The following TJP2 variants were observed in gnomAD, a reference collection of about 807,000 sequenced individuals.
TJP2 encodes Friedreich ataxia region gene X104 (tight junction protein ZO-2).
Under a neutral mutation model 133.1 loss-of-function variants are expected in TJP2, and 91 were observed. That is an observed-to-expected ratio of 0.68 (90% confidence interval 0.58 to 0.81). The LOEUF (loss-of-function observed/expected upper bound fraction) is 0.81. TJP2 is among the 40% of genes least tolerant of loss of function. TJP2 has a pLI of 0.00. For synonymous variants in TJP2, 592 were observed against 583.4 expected (o/e 1.01, Z -0.21); for missense variants, 1,541 against 1,565.6 (o/e 0.98, Z 0.26).
chr9:69,242,247 A>G (rs1830626897), intron 17 of TJP2, among the ~76,000 whole-genome samples: 1 of 152,154 alleles, frequency 6.6e-6, no homozygotes, highest in African/African-American at 2.4e-5. Flanking sequence ...GTAAGAATCT[A>G]GAGGGGTCCA....
At chr9:69,166,147 C>T (rs1410152916) in intron 2 of TJP2, among the ~76,000 whole-genome samples, 2 of 152,024 alleles carry the variant, frequency 1.3e-5, no homozygotes, top group East Asian at 3.9e-4. Flanking sequence ...GGGTCTTGCT[C>T]TGGCACCCAG....
At chr9:69,134,374 G>C (rs931814838) in intron 1 of TJP2, among the ~76,000 whole-genome samples, 1 of 152,222 alleles carries the variant, frequency 6.6e-6, no homozygotes, top group African/African-American at 2.4e-5. Context: ...TCCCACAGCA[G>C]GTGCAGGGAG....
At chr9:69,191,630 A>G (rs1826210039) in intron 1 of TJP2, among the ~76,000 whole-genome samples, 1 of 152,206 alleles carries the variant, frequency 6.6e-6, no homozygotes. Flanking sequence ...CTAAAAACAA[A>G]CATCATTTTG....
intron 1 of TJP2, among the ~76,000 whole-genome samples, chr9:69,197,055 G>A (rs556449217): frequency 5.9e-5 from 9 of 151,558 alleles, no homozygotes; most frequent in South Asian, 2.1e-4. Flanking sequence ...TGCAACCTCC[G>A]CCTCCCCAGT....
At chr9:69,202,095 TA>T (rs1294884064) in intron 1 of TJP2, among the ~76,000 whole-genome samples, 3 of 152,202 alleles carry the variant, frequency 2.0e-5, no homozygotes, top group Non-Finnish European at 4.4e-5. Context: ...GGGAAGTTTA[TA>T]AAAAACAGAA....
At position 69,174,544 on chromosome 9, in the gene TJP2, G is replaced by C. The variant is rs911915913; in HGVS notation, c.60+112G>C. The C allele has an allele frequency of 4.7e-5, 59 of 1,268,270 alleles. No individual in the cohort carries two copies. In the African/African-American group the frequency reaches 8.1e-4, roughly 17 times the overall value. The allele number at this position is 1,268,270 out of a possible 1,614,324, so 78.6% of individuals were successfully genotyped here. ...TGAAGTTGTTCCCCGATGCGCCGTA[G>C]GAAGCTGGGATTCTCCCATCCGGAC... On this transcript the variant is annotated intron_variant, in intron 1 of 22. Transcript: ENST00000377245.
At position 69,216,422 on chromosome 9, in the gene TJP2, T is replaced by G; in HGVS notation, c.198T>G (p.Ile66Met). Reference sequence around the variant, plus strand: ...AAAATGGAGAAACGTCAATTGTCATTTCTGATGTGCTCCCGGGTGGGCCTG... The same window carrying G: ...AAAATGGAGAAACGTCAATTGTCATGTCTGATGTGCTCCCGGGTGGGCCTG... ...HFENGETSIV[I>M]SDVLPGGPAD... Residue 66 changes from isoleucine (I) to methionine (M), a missense_variant, in exon 3 of 23, where the codon ATT becomes ATG. Ile to Met is a conservative substitution (Grantham distance 10). Coordinates refer to ENST00000377245, the MANE Select transcript of TJP2 (RefSeq NM_004817.4). The G allele has an allele frequency of 6.2e-7, 1 of 1,614,204 alleles. No individual in the cohort carries two copies. Among genetic ancestry groups the G allele is most frequent in the South Asian group, 1.1e-5 (1 of 91,086 alleles).
intron 1 of TJP2, among the ~76,000 whole-genome samples, chr9:69,135,433 T>TTTG (rs372705245): frequency 1.7e-4 from 26 of 151,910 alleles, no homozygotes; most frequent in Non-Finnish European, 2.8e-4. Context: ...GGTCTAGGAT[T>TTTG]TTGTTGTTGT....
chr9:69,139,990 G>A (rs538411620), intron 1 of TJP2, among the ~76,000 whole-genome samples: 3 of 152,284 alleles, frequency 2.0e-5, no homozygotes, highest in Admixed American at 6.5e-5. Flanking sequence ...TGCCGTGAGC[G>A]TTGGGGGCAG....
intron 1 of TJP2, among the ~76,000 whole-genome samples, chr9:69,175,253 G>GT (rs928350821): frequency 6.6e-6 from 1 of 152,170 alleles, no homozygotes; most frequent in African/African-American, 2.4e-5. Context: ...GATGGTTGTG[G>GT]TTTCCCTGAA....
chr9:69,207,550 T>C (rs1432343814), intron 1 of TJP2, among the ~76,000 whole-genome samples: 1 of 152,206 alleles, frequency 6.6e-6, no homozygotes, highest in Non-Finnish European at 1.5e-5. Flanking sequence ...AGTCACACGG[T>C]TCTCCCGGTG....
chr9:69,243,026 G>C (rs1563954087), intron 17 of TJP2, among the ~76,000 whole-genome samples: 1 of 151,998 alleles, frequency 6.6e-6, no homozygotes, highest in African/African-American at 2.4e-5. Context: ...ACCATGCCTG[G>C]GTAATTTTTG....
At chr9:69,196,440 C>G (rs1826564140) in intron 1 of TJP2, among the ~76,000 whole-genome samples, 1 of 152,160 alleles carries the variant, frequency 6.6e-6, no homozygotes, top group African/African-American at 2.4e-5. Flanking sequence ...TGATTAAATT[C>G]TCACAACAAC....
chr9:69,228,337 C>T (rs1293840236), intron 9 of TJP2, among the ~76,000 whole-genome samples: 1 of 152,110 alleles, frequency 6.6e-6, no homozygotes, highest in Admixed American at 6.5e-5. Flanking sequence ...GTGGCAGTAA[C>T]AGAAACTGGG....
intron 1 of TJP2, among the ~76,000 whole-genome samples, chr9:69,210,583 T>A (rs1360654694): frequency 6.6e-6 from 1 of 152,090 alleles, no homozygotes; most frequent in African/African-American, 2.4e-5. Context: ...TTTTGGAATG[T>A]TTACATATTT....
Position 69,166,521 on chromosome 9 carries a change from T to C in TJP2, c.-10+14750T>C, listed in dbSNP as rs1205133706. Among the ~76,000 whole-genome samples the C allele has an allele frequency of 2.6e-5, 4 of 151,992 alleles. No homozygotes were observed. In the East Asian group the frequency reaches 7.9e-4, roughly 30 times the overall value. On this transcript the variant is annotated intron_variant, in intron 2 of 5. Coordinates refer to the TJP2 transcript ENST00000423935. ...ACTTTGGGAGACCAAGGTAGGAGGA[T>C]AGCTAGAAGCCAGGAGTTTGAGGCC...
intron 1 of TJP2, among the ~76,000 whole-genome samples, chr9:69,137,738 A>C (rs773161391): frequency 4.0e-4 from 61 of 151,660 alleles, no homozygotes; most frequent in Non-Finnish European, 7.4e-4. Flanking sequence ...AGGTCTTTGA[A>C]TCTCTTTCTG....
rs73450840 is a variant in TJP2, at chr9:69,199,562, G to A, written c.61-12986G>A. Among the ~76,000 whole-genome samples the A allele has an allele frequency of 3.0e-3, 450 of 152,142 alleles. 5 individuals carry two copies. The highest frequency in any genetic ancestry group is 0.011 in the African/African-American group (437 of 41,520). On this transcript the variant is annotated intron_variant, in intron 1 of 22. Transcript: ENST00000377245. ...CACACACACACACGCATGCACGTAC[G>A]CACGCACCAGAGGGAAACATCATGC...
chr9:69,248,635 C>A, intron 19 of TJP2: 1 of 1,084,680 alleles, frequency 9.2e-7, no homozygotes, highest in Non-Finnish European at 1.1e-6. Flanking sequence ...CCTTTCTAAT[C>A]TTGCCAAAGC....
Sources: gnomAD v4.1 joint callset for allele counts (sites outside exome capture counted in the v4.1 genomes callset) on GRCh38, gnomAD v4.1.1 for gene constraint, MANE v1.5 for transcripts, NCBI Gene and HGNC (gene_info 2026-07-23, HGNC 2026-07-21) for gene names.